Variants in PDZRN4 observed in about 807,000 individuals in gnomAD.
The protein encoded by PDZRN4 is PDZ domain-containing RING finger protein 4.
A neutral mutation model predicts 99.0 loss-of-function variants in PDZRN4; 70 were observed. That is an observed-to-expected ratio of 0.71 (90% CI 0.58 to 0.86). The LOEUF is 0.86. Among genes scored for constraint, PDZRN4 ranks in the 40% least tolerant of loss-of-function variants. PDZRN4 has a pLI of 0.00. For missense variants in PDZRN4, 1,474 were observed against 1,331.2 expected (o/e 1.11, Z -1.67); for synonymous variants, 551 against 501.6 (o/e 1.10, Z -1.32).
At chr12:41,248,795 C>T (rs1951150026) in intron 3 of PDZRN4, among the ~76,000 whole-genome samples, 1 of 151,950 alleles carries the variant, frequency 6.6e-6, no homozygotes, top group African/African-American at 2.4e-5. Flanking sequence ...TAAATAATTG[C>T]ATTGTAATGT....
At chr12:41,528,150 T>A (rs931429816) in intron 5 of PDZRN4, among the ~76,000 whole-genome samples, 1 of 152,162 alleles carries the variant, frequency 6.6e-6, no homozygotes, top group African/African-American at 2.4e-5. Flanking sequence ...GCATGGATGG[T>A]GTCTGAGGAA....
chr12:41,449,774 T>C (rs1952760047), intron 3 of PDZRN4, among the ~76,000 whole-genome samples: 1 of 152,242 alleles, frequency 6.6e-6, no homozygotes, highest in Non-Finnish European at 1.5e-5. Context: ...TTGTGATGCA[T>C]CTCCTTTTGC....
intron 3 of PDZRN4, among the ~76,000 whole-genome samples, chr12:41,261,758 G>A (rs1951241758): frequency 6.6e-6 from 1 of 152,170 alleles, no homozygotes; most frequent in Admixed American, 6.5e-5. Context: ...CAAAATGCTA[G>A]GATTACAGGC....
chr12:41,245,661 G>T (rs1412069068), intron 3 of PDZRN4, among the ~76,000 whole-genome samples: 2 of 152,064 alleles, frequency 1.3e-5, no homozygotes, highest in African/African-American at 2.4e-5. Context: ...GTTTTAAAAT[G>T]TTCAACATTT....
At chr12:41,491,270 C>T (rs1037720808) in intron 3 of PDZRN4, among the ~76,000 whole-genome samples, 2 of 152,106 alleles carry the variant, frequency 1.3e-5, no homozygotes, top group Non-Finnish European at 2.9e-5. Context: ...CACCTCTAAT[C>T]CCAGCACTTT....
In PDZRN4 at chr12:41,573,220, G is replaced by A. The variant is rs938028041; in HGVS notation, c.2441G>A (p.Ser814Asn). The change falls in exon 10 of 10, where the codon AGC becomes AAC. Residue 814 changes from serine (S) to asparagine (N), a missense_variant. Ser to Asn is a conservative substitution (Grantham distance 46). Transcript: ENST00000402685. ...AESKEKVLEG[S>N]KLPDQEKAVS... ...AGCAAGGAGAAGGTTTTAGAAGGCAGCAAGCTTCCTGATCAAGAGAAGGCA... is the reference window on the plus strand; with the variant it reads ...AGCAAGGAGAAGGTTTTAGAAGGCAACAAGCTTCCTGATCAAGAGAAGGCA... The A allele has an allele frequency of 1.2e-6, 2 of 1,614,144 alleles. No homozygotes were observed. Among genetic ancestry groups the A allele is most frequent in the Non-Finnish European group, 1.7e-6 (2 of 1,180,022 alleles).
At chr12:41,454,316 GCTTCGGTCTCAAC>G (rs1952800706) in intron 3 of PDZRN4, among the ~76,000 whole-genome samples, 2 of 152,304 alleles carry the variant, frequency 1.3e-5, no homozygotes, top group South Asian at 4.1e-4. Flanking sequence ...CTGAGATCAG[GCTTCGGTCTCAAC>G]ACCTCTTTCC....
At chr12:41,548,672 C>T (rs1387210487) in intron 5 of PDZRN4, among the ~76,000 whole-genome samples, 1 of 152,182 alleles carries the variant, frequency 6.6e-6, no homozygotes, top group African/African-American at 2.4e-5. Flanking sequence ...AACAATGCTG[C>T]TTAAAAAGCC....
chr12:41,489,548 T>C (rs1937842813), intron 3 of PDZRN4, among the ~76,000 whole-genome samples: 3 of 152,158 alleles, frequency 2.0e-5, no homozygotes, highest in Admixed American at 2.0e-4. Flanking sequence ...ATCTCAGCAC[T>C]TTACATGCAG....
chr12:41,561,622 T>C (rs1939271883), intron 7 of PDZRN4, among the ~76,000 whole-genome samples: 1 of 148,524 alleles, frequency 6.7e-6, no homozygotes, highest in African/African-American at 2.4e-5. Flanking sequence ...TATATATATA[T>C]ATATGTACAG....
At chr12:41,310,805 A>G (rs890086336) in intron 3 of PDZRN4, among the ~76,000 whole-genome samples, 2 of 152,216 alleles carry the variant, frequency 1.3e-5, no homozygotes, top group African/African-American at 4.8e-5. Context: ...TTTCTTTAGT[A>G]ACTTTACCTT....
chr12:41,550,816 T>C (rs1438002553), intron 5 of PDZRN4, among the ~76,000 whole-genome samples: 2 of 152,158 alleles, frequency 1.3e-5, no homozygotes, highest in Non-Finnish European at 2.9e-5. Flanking sequence ...CAAATCCCCT[T>C]GCTAAGGATT....
At chr12:41,238,246 T>C (rs1487523120) in intron 3 of PDZRN4, among the ~76,000 whole-genome samples, 1 of 152,130 alleles carries the variant, frequency 6.6e-6, no homozygotes, top group Admixed American at 6.6e-5. Flanking sequence ...TAAATGATAG[T>C]TCATTCATGA....
intron 3 of PDZRN4, among the ~76,000 whole-genome samples, chr12:41,404,010 C>T (rs533063464): frequency 1.4e-3 from 218 of 152,162 alleles, no homozygotes; most frequent in African/African-American, 5.1e-3. Flanking sequence ...TGCTGAAGTT[C>T]TTTATATAAA....
At chr12:41,510,585 G>T (rs911855003) in intron 5 of PDZRN4, among the ~76,000 whole-genome samples, 1 of 152,108 alleles carries the variant, frequency 6.6e-6, no homozygotes, top group Non-Finnish European at 1.5e-5. Context: ...AAAGGTTTCA[G>T]ACTACTCTGA....
chr12:41,430,609 TTC>T, intron 3 of PDZRN4, among the ~76,000 whole-genome samples: 1 of 152,170 alleles, frequency 6.6e-6, no homozygotes. Context: ...GTGCAACTAT[TTC>T]TGTTATATAA....
At chr12:41,477,938 T>C in intron 3 of PDZRN4, 1 of 1,459,050 alleles carries the variant, frequency 6.9e-7, no homozygotes, top group Non-Finnish European at 9.3e-7. Flanking sequence ...TGGCATTAAA[T>C]TTATTTCATC....
At chr12:41,543,092 T>C (rs188297200) in intron 5 of PDZRN4, among the ~76,000 whole-genome samples, 2 of 152,268 alleles carry the variant, frequency 1.3e-5, no homozygotes, top group African/African-American at 4.8e-5. Flanking sequence ...ACCCTCTTCA[T>C]GGTAGCCAAC....
At chr12:41,434,438 G>C (rs951988547) in intron 3 of PDZRN4, among the ~76,000 whole-genome samples, 5 of 152,030 alleles carry the variant, frequency 3.3e-5, no homozygotes, top group Non-Finnish European at 7.4e-5. Context: ...TTAGATCCTT[G>C]AATGAATTAA....
Sources: allele counts gnomAD v4.1 joint callset (sites outside exome capture counted in the v4.1 genomes callset), GRCh38; gene constraint gnomAD v4.1.1; transcripts MANE v1.5; gene names NCBI Gene and HGNC (gene_info 2026-07-23, HGNC 2026-07-21).